LAMC3: variants seen among roughly 807,000 people sequenced by gnomAD.
LAMC3 encodes laminin subunit gamma-3.
A neutral mutation model predicts 173.8 loss-of-function variants in LAMC3; 128 were observed. The observed-to-expected ratio is 0.74, with a 90% CI of 0.64 to 0.85. LAMC3 has a LOEUF of 0.85. Among genes scored for constraint, LAMC3 ranks in the 40% least tolerant of loss-of-function variants. LAMC3 has a pLI of 0.00. For missense variants in LAMC3, 2,022 were observed against 2,156.0 expected (o/e 0.94, Z 1.23); for synonymous variants, 897 against 909.1 (o/e 0.99, Z 0.24).
chr9:131,020,001 C>G (rs546123288), intron 1 of LAMC3, among the ~76,000 whole-genome samples: 1 of 152,228 alleles, frequency 6.6e-6, no homozygotes, highest in South Asian at 2.1e-4. Context: ...TAAAATCAAG[C>G]TGGCCCACAT....
At chr9:131,085,372 C>A in intron 24 of LAMC3, 152 bp from the exon 25 acceptor site, 1 of 752,656 alleles carries the variant, frequency 1.3e-6, no homozygotes, top group Non-Finnish European at 2.4e-6. Context: ...CTGGATAAGC[C>A]TGAGAAGGCG....
At chr9:131,072,390 C>A (rs1261673862) in intron 18 of LAMC3, among the ~76,000 whole-genome samples, 1 of 152,168 alleles carries the variant, frequency 6.6e-6, no homozygotes, top group African/African-American at 2.4e-5. Context: ...AGGCCTGGGT[C>A]TCTCCCGGTC....
At chr9:131,034,234 C>T (rs1230453321) in intron 3 of LAMC3, among the ~76,000 whole-genome samples, 3 of 152,204 alleles carry the variant, frequency 2.0e-5, no homozygotes, top group African/African-American at 7.2e-5. Flanking sequence ...GGTCAGTGGG[C>T]TTCACAGGGC....
intron 4 of LAMC3, 116 bp downstream of exon 4, chr9:131,036,448 C>T (rs938355792): frequency 8.8e-6 from 10 of 1,140,386 alleles, no homozygotes; most frequent in Admixed American, 2.0e-5. Flanking sequence ...CCGGGGGCAG[C>T]TCGGGGTCTC....
At chr9:131,048,047 ATTTTTTTTTTTTTTTT>A (rs59291636) in intron 8 of LAMC3, among the ~76,000 whole-genome samples, 1 of 53,392 alleles carries the variant, frequency 1.9e-5, no homozygotes, top group Non-Finnish European at 3.2e-5. Flanking sequence ...CACCCAGCTG[ATTTTTTTTTTTTTTTT>A]TTTTTTTTTT....
Position 131,091,851 on chromosome 9 carries a change from A to C in LAMC3, c.*64A>C, listed in dbSNP as rs1458129489. 6 of 1,587,576 alleles carry C rather than the reference A, an allele frequency of 3.8e-6. No individual in the cohort carries two copies. Among genetic ancestry groups the C allele is most frequent in the Non-Finnish European group, 5.1e-6 (6 of 1,168,174 alleles). On this transcript the variant is annotated 3_prime_UTR_variant, in exon 28 of 28. Transcript: ENST00000361069. ...TGTTTACATGACCCAGGGGGTGCAC[A>C]CTACCCCACAGGTGTGCCCATACAG... is the stretch of plus-strand genomic sequence containing the variant.
At chr9:131,037,813 T>G (rs1375059434) in intron 4 of LAMC3, among the ~76,000 whole-genome samples, 1 of 152,156 alleles carries the variant, frequency 6.6e-6, no homozygotes, top group Admixed American at 6.5e-5. Flanking sequence ...AAAGGACAAA[T>G]TTAGTAACAT....
rs1361071864 is a variant in LAMC3 at position 131,039,181 on chromosome 9, A to C, written c.1216A>C (p.Thr406Pro). 3.7e-6 allele frequency: 6 copies of C among 1,610,564 alleles called. No homozygotes were observed. The highest frequency in any genetic ancestry group is 5.1e-6 in the Non-Finnish European group (6 of 1,180,010). Residue 406 changes from threonine (T) to proline (P), a missense_variant, in exon 6 of 28, where the codon ACG becomes CCG. Transcript: ENST00000361069. Reference protein sequence around the residue: ...DDTGTCACKPTVTGWKCDRCL... With the variant: ...DDTGTCACKPPVTGWKCDRCL... ...CACAGGCACCTGCGCCTGCAAGCCC[A>C]CGGTGACTGGCTGGAAGTGTGACCG...
Position 131,038,885 on chromosome 9 carries a change from C to T in LAMC3, c.998C>T (p.Ser333Phe), listed in dbSNP as rs1167109596. The T allele has an allele frequency of 2.5e-6, 4 of 1,613,256 alleles. No homozygotes were observed. Among genetic ancestry groups the T allele is most frequent in the Non-Finnish European group, 3.4e-6 (4 of 1,180,020 alleles). Residue 333 changes from serine (S) to phenylalanine (F), a missense_variant, in exon 5 of 28, where the codon TCC becomes TTC. Coordinates refer to ENST00000361069, the MANE Select transcript of LAMC3 (RefSeq NM_006059.4). Reference sequence around the variant, plus strand: ...ATAGCCTGCAACTGCAGTGGCCGCTCCGAGGAATGCACGTTTGATCGGGAG... The same window carrying T: ...ATAGCCTGCAACTGCAGTGGCCGCTTCGAGGAATGCACGTTTGATCGGGAG... The part of the protein sequence containing the change: ...ECLPCNCSGR[S>F]EECTFDRELF...
At chr9:131,039,985 CA>C (rs1834018936) in intron 6 of LAMC3, among the ~76,000 whole-genome samples, 1 of 146,886 alleles carries the variant, frequency 6.8e-6, no homozygotes, top group South Asian at 2.1e-4. Context: ...AAAAACAAAA[CA>C]AAACAAAAAC....
Position 131,061,174 on chromosome 9 carries a change from C to A in LAMC3, c.2298C>A (p.Ile766=), listed in dbSNP as rs981326600. Reference sequence around the variant, plus strand: ...CTGGCCAGTCGGCCTGTACGACCATCCCAGAGAGCCGGGAGGTGGTGTGTA... The same window carrying A: ...CTGGCCAGTCGGCCTGTACGACCATACCAGAGAGCCGGGAGGTGGTGTGTA... ...PCPGQSACTT[I]PESREVVCTH... Residue 766 remains isoleucine (I), a synonymous_variant, in exon 13 of 28, where the codon ATC becomes ATA. Coordinates refer to ENST00000361069, the MANE Select transcript of LAMC3 (RefSeq NM_006059.4). The A allele has an allele frequency of 6.2e-7, 1 of 1,612,332 alleles. No individual in the cohort carries two copies. Among genetic ancestry groups the A allele is most frequent in the East Asian group, 2.2e-5 (1 of 44,882 alleles).
intron 7 of LAMC3, among the ~76,000 whole-genome samples, chr9:131,043,045 C>G (rs910425508): frequency 3.9e-5 from 6 of 152,184 alleles, no homozygotes; most frequent in Admixed American, 6.5e-5. Context: ...TGGGGCACAG[C>G]AGTCTTGGCC....
At chr9:131,055,471 C>T (rs1349372243) in intron 11 of LAMC3, among the ~76,000 whole-genome samples, 1 of 133,778 alleles carries the variant, frequency 7.5e-6, no homozygotes, top group Non-Finnish European at 1.5e-5. Flanking sequence ...GTCACCCAGG[C>T]TGGAGTGCAG....
chr9:131,038,162 C>T (rs1339332763), intron 4 of LAMC3, among the ~76,000 whole-genome samples: 2 of 152,246 alleles, frequency 1.3e-5, no homozygotes, highest in Non-Finnish European at 2.9e-5. Context: ...TTCAGCGCGG[C>T]CATGACTTCC....
chr9:131,066,829 C>T (rs931608980), intron 13 of LAMC3, 131 bp from the exon 14 acceptor site: 88 of 1,264,482 alleles, frequency 7.0e-5, no homozygotes, highest in Non-Finnish European at 8.8e-5. Context: ...GGGGGCCGGT[C>T]CCAGGTCCTC....
chr9:131,046,064 G>C (rs773331181), intron 8 of LAMC3, among the ~76,000 whole-genome samples: 1 of 152,100 alleles, frequency 6.6e-6, no homozygotes, highest in Non-Finnish European at 1.5e-5. Context: ...TAACATGCAA[G>C]GATTCTCATT....
At chr9:131,068,399 G>T (rs552017168) in intron 15 of LAMC3, among the ~76,000 whole-genome samples, 168 bp downstream of exon 15, 1 of 152,156 alleles carries the variant, frequency 6.6e-6, no homozygotes, top group Non-Finnish European at 1.5e-5. Context: ...CTTGGCATCC[G>T]ACTCATGCTC....
chr9:131,072,929 T>A (rs558295282), intron 19 of LAMC3, 94 bp downstream of exon 19: 3 of 1,188,336 alleles, frequency 2.5e-6, no homozygotes, highest in South Asian at 2.6e-5. Flanking sequence ...TGGGTATGAC[T>A]CCCCACTTTG....
Position 131,045,505 on chromosome 9 carries a change from T to C in LAMC3, c.1383-19T>C, listed in dbSNP as rs1834138585. On this transcript the variant is annotated intron_variant, in intron 7 of 27. Coordinates refer to ENST00000361069, the MANE Select transcript of LAMC3 (RefSeq NM_006059.4). ...CTGATTCACGTGGCCCTCGTGGGCA[T>C]GTCCTGCCTCCATTTCAGATGTCGC... 6.2e-7 allele frequency: 1 copy of C among 1,613,072 alleles called. No individual in the cohort carries two copies. Among genetic ancestry groups the C allele is most frequent in the Non-Finnish European group, 8.5e-7 (1 of 1,180,028 alleles).
Sources: allele counts gnomAD v4.1 joint callset (sites outside exome capture counted in the v4.1 genomes callset), GRCh38; gene constraint gnomAD v4.1.1; transcripts MANE v1.5; gene names NCBI Gene and HGNC (gene_info 2026-07-23, HGNC 2026-07-21).